Variants in NEB observed in about 807,000 individuals in gnomAD.
NEB encodes nebulin, also known as nemaline myopathy type 2.
NEB carries 512 observed loss-of-function variants against 952.2 expected under a neutral mutation model. The observed-to-expected ratio is 0.54, with a 90% CI of 0.50 to 0.58. NEB has a LOEUF of 0.58. NEB is among the 20% of genes least tolerant of loss of function. NEB has a pLI of 0.00. For synonymous variants in NEB, 2,900 were observed against 3,149.8 expected, an observed-to-expected ratio of 0.92 and a Z score of 2.66; for missense variants, 8,428 against 9,231.1, an observed-to-expected ratio of 0.91 and a Z score of 3.56.
At chr2:151,612,519 G>A in intron 77 of NEB, 130 bp from the exon 78 acceptor site, 1 of 921,770 alleles carries the variant, frequency 1.1e-6, no homozygotes, top group East Asian at 2.6e-5. Context: ...AAGACCCACA[G>A]GATTGCTTTA....
intron 156 of NEB, among the ~76,000 whole-genome samples, chr2:151,517,555 CTT>C (rs2078560809): frequency 6.6e-6 from 1 of 152,148 alleles, no homozygotes; most frequent in Non-Finnish European, 1.5e-5. Flanking sequence ...ATGAGAAAGG[CTT>C]TGTTATGCAA....
intron 67 of NEB, among the ~76,000 whole-genome samples, 194 bp from the exon 68 acceptor site, chr2:151,629,840 T>C (rs2098625396): frequency 6.6e-6 from 1 of 152,102 alleles, no homozygotes; most frequent in Non-Finnish European, 1.5e-5. Flanking sequence ...ATGGGATATA[T>C]CAATGAACAT....
At chr2:151,540,496 A>G (rs747562571) in intron 137 of NEB, 48 bp from the exon 138 acceptor site, 2 of 1,423,118 alleles carry the variant, frequency 1.4e-6, no homozygotes, top group South Asian at 1.2e-5. Flanking sequence ...TGTCTTCCCA[A>G]TTTCCAACCA....
chr2:151,677,536 C>A, intron 34 of NEB, 29 bp downstream of exon 34: 1 of 1,571,610 alleles, frequency 6.4e-7, no homozygotes, highest in Non-Finnish European at 8.7e-7. Context: ...CCTCCATATC[C>A]TCTGTCCTCT....
chr2:151,494,102 G>A, intron 174 of NEB, 59 bp downstream of exon 174: 1 of 1,400,528 alleles, frequency 7.1e-7, no homozygotes, highest in Non-Finnish European at 9.9e-7. Flanking sequence ...TTAGGAGCAG[G>A]CCAAACTGCA....
Position 151,662,138 on chromosome 2 carries a change from G to C in NEB, c.5967C>G (p.Asn1989Lys), listed in dbSNP as rs371151246. The C allele has an allele frequency of 6.2e-7, 1 of 1,609,038 alleles. No homozygotes were observed. Among genetic ancestry groups the C allele is most frequent in the South Asian group, 1.1e-5 (1 of 90,604 alleles). ...ACTGCATTATTGAAAGACTTACTTCGTTCATAATTTTTGCATTATTCTGGG... is the reference window on the plus strand; with the variant it reads ...ACTGCATTATTGAAAGACTTACTTCCTTCATAATTTTTGCATTATTCTGGG... ...VLAQNNAKIM[N>K]EHLYKQAWEA... The change falls in exon 46 of 182, where the codon AAC (asparagine) becomes AAG (lysine). Residue 1989 changes from asparagine to lysine, a missense_variant. This residue lies in a region of NEB where 2,851 missense variants were observed against 2,791.5 expected (regional missense o/e 1.02). Coordinates refer to ENST00000397345, the MANE Select transcript of NEB (RefSeq NM_001164508.2).
Position 151,519,669 on chromosome 2 carries a change from G to A in NEB, c.22579C>T (p.Leu7527Phe). The change falls in exon 154 of 182, where the codon CTT becomes TTT. Residue 7527 changes from leucine to phenylalanine, a missense_variant. Around this residue, in one of 11 missense-constraint regions of NEB, gnomAD observed 3,374 missense variants for 3,651.5 expected, o/e 0.92. Coordinates refer to ENST00000397345, the MANE Select transcript of NEB (RefSeq NM_001164508.2). ...LYKVMKDANNLASEVKYKADL... is the reference protein window; with the variant it reads ...LYKVMKDANNFASEVKYKADL... Reference sequence around the variant, plus strand: ...TTTTAGAAACATACCTCACTTGCAAGATTATTAGCATCTTTCATGACTTTG... The same window carrying A: ...TTTTAGAAACATACCTCACTTGCAAAATTATTAGCATCTTTCATGACTTTG... 1 of 1,607,446 alleles carries A rather than the reference G, an allele frequency of 6.2e-7. No homozygotes were observed. Among genetic ancestry groups the A allele is most frequent in the Non-Finnish European group, 8.5e-7 (1 of 1,174,418 alleles).
intron 120 of NEB, 105 bp downstream of exon 120, chr2:151,562,506 T>G (rs2096129899): frequency 8.4e-7 from 1 of 1,191,456 alleles, no homozygotes; most frequent in Admixed American, 2.9e-5. Context: ...GCAGCAAGAT[T>G]TATGAATACA....
Position 151,644,107 on chromosome 2 carries a change from C to A in NEB, c.7667G>T (p.Arg2556Leu), listed in dbSNP as rs764471883. ...ASEYKYKEGF[R>L]KQLGHHIGAR... ...ACCAATGTGGTGGCCGAGCTGCTTG[C>A]GAAAGCCTTCCTTGTACTTGTACTA... is the stretch of plus-strand genomic sequence containing the variant. The change falls in exon 57 of 182, where the codon CGC becomes CTC. Residue 2556 changes from arginine (R) to leucine (L), a missense_variant. Physicochemically the swap from Arg to Leu is moderately radical, Grantham distance 102. This residue lies in a region of NEB where 1,772 missense variants were observed against 1,960.3 expected (regional missense o/e 0.90). Transcript: ENST00000397345. The A allele has an allele frequency of 2.5e-6, 4 of 1,613,726 alleles. No individual in the cohort carries two copies. The highest frequency in any genetic ancestry group is 1.7e-5 in the Admixed American group (1 of 59,998).
intron 13 of NEB, among the ~76,000 whole-genome samples, chr2:151,699,455 T>A: frequency 4.0e-5 from 1 of 25,004 alleles, no homozygotes; most frequent in Non-Finnish European, 7.4e-5. Flanking sequence ...TCCACAATGG[T>A]TGAACTAGTT....
intron 136 of NEB, 62 bp downstream of exon 136, chr2:151,541,385 C>A (rs2094038247): frequency 7.5e-7 from 1 of 1,325,272 alleles, no homozygotes; most frequent in African/African-American, 1.5e-5. Flanking sequence ...CAGGTGAGGC[C>A]AGGCACATAT....
chr2:151,567,379 T>C lies in NEB; in HGVS notation c.17945A>G (p.Gln5982Arg). 6.2e-7 allele frequency: 1 copy of C among 1,613,864 alleles called. No homozygotes were observed. Among genetic ancestry groups the C allele is most frequent in the Non-Finnish European group, 8.5e-7 (1 of 1,179,814 alleles). Residue 5982 changes from glutamine to arginine, a missense_variant, in exon 114 of 182, where the codon CAG becomes CGG. By Grantham distance (43) the Gln-to-Arg change is conservative. This residue lies in a region of NEB where 3,374 missense variants were observed against 3,651.5 expected (regional missense o/e 0.92). Coordinates refer to ENST00000397345, the MANE Select transcript of NEB (RefSeq NM_001164508.2). ...PKLVWFEHAG[Q>R]IQNERLYKED... ...TTTGTATAGTCTCTCATTCTGAATC[T>C]GGCCTGCATGCTCAAACCAAACCAG...
At chr2:151,689,687 C>T (rs1351107392) in intron 24 of NEB, 1 of 152,168 alleles carries the variant, frequency 6.6e-6, no homozygotes, top group Non-Finnish European at 1.5e-5. Flanking sequence ...CATTGCCTAC[C>T]TAAGCCAATA....
rs1420667730 is a variant in NEB at position 151,493,766 on chromosome 2, C to T, written c.24672+9G>A. 1.3e-6 allele frequency: 2 copies of T among 1,532,368 alleles called. No individual in the cohort carries two copies. Among genetic ancestry groups the T allele is most frequent in the African/African-American group, 1.4e-5 (1 of 73,126 alleles). The allele number at this position is 1,532,368 out of a possible 1,614,324, so 94.9% of individuals were successfully genotyped here. ...GATTTTAAGGATTTATTTTTCCTTT[C>T]TAAAATACCGAGCTAAAGTTTTCTT... is the stretch of plus-strand genomic sequence containing the variant. On this transcript the variant is annotated intron_variant, in intron 175 of 181. Transcript: ENST00000397345.
chr2:151,560,764 G>C, intron 123 of NEB, 65 bp from the exon 124 acceptor site: 2 of 1,274,844 alleles, frequency 1.6e-6, no homozygotes, highest in Non-Finnish European at 1.1e-6. Flanking sequence ...CTGAGTAGCA[G>C]GTTTTCCTTC....
At chr2:151,726,546 C>G (rs1156514366) in intron 5 of NEB, among the ~76,000 whole-genome samples, 1 of 152,006 alleles carries the variant, frequency 6.6e-6, no homozygotes, top group African/African-American at 2.4e-5. Context: ...ATCAAGCCAC[C>G]CAGTGAGACC....
intron 71 of NEB, 136 bp from the exon 72 acceptor site, chr2:151,621,162 T>C: frequency 3.2e-6 from 2 of 623,318 alleles, no homozygotes; most frequent in Non-Finnish European, 2.8e-6. Flanking sequence ...AAGAACTCTT[T>C]CTTTTACTTT....
chr2:151,643,395 A>G, intron 57 of NEB, 42 bp from the exon 58 acceptor site: 1 of 1,509,776 alleles, frequency 6.6e-7, no homozygotes, highest in Non-Finnish European at 9.1e-7. Flanking sequence ...TAAATCATTT[A>G]TCACAATTTG....
Position 151,610,620 on chromosome 2 carries a change from G to C in NEB, c.11914C>G (p.Leu3972Val), listed in dbSNP as rs200591649. The C allele has an allele frequency of 1.2e-6, 2 of 1,608,652 alleles. No individual in the cohort carries two copies. Among genetic ancestry groups the C allele is most frequent in the East Asian group, 4.5e-5 (2 of 44,858 alleles). Reference protein sequence around the residue: ...KSNSANISQKLYTKGWDESKM... With the variant: ...KSNSANISQKVYTKGWDESKM... ...GATTCATCCCATCCCTTGGTGTAAA[G>C]TTTCTAGGGAAGGGATAATAGACGA... is the stretch of plus-strand genomic sequence containing the variant. Residue 3972 changes from leucine (L) to valine (V), a missense_variant, in exon 80 of 182, where the codon CTT (leucine) becomes GTT (valine). Transcript: ENST00000397345.
Sources: allele counts gnomAD v4.1 joint callset (sites outside exome capture counted in the v4.1 genomes callset), GRCh38; gene constraint gnomAD v4.1.1; regional missense constraint gnomAD v4.1.1; transcripts MANE v1.5; gene names NCBI Gene and HGNC (gene_info 2026-07-23, HGNC 2026-07-21).